Variants in WDFY3 observed in about 807,000 individuals in gnomAD.
The protein encoded by WDFY3 is WD repeat and FYVE domain-containing protein 3.
WDFY3 carries 66 observed loss-of-function variants against 409.6 expected under a neutral mutation model. That is an observed-to-expected ratio of 0.16 (90% confidence interval 0.13 to 0.20). The LOEUF is 0.20. Among genes scored for constraint, WDFY3 ranks in the 10% least tolerant of loss-of-function variants. The pLI is 1.00. For missense variants in WDFY3, 3,031 were observed against 4,298.1 expected (o/e 0.71, Z 8.24); for synonymous variants, 1,521 against 1,537.1 (o/e 0.99, Z 0.25).
At chr4:84,914,698 G>C (rs1579106073) in intron 2 of WDFY3, among the ~76,000 whole-genome samples, 1 of 152,154 alleles carries the variant, frequency 6.6e-6, no homozygotes, top group Non-Finnish European at 1.5e-5. Context: ...ACAAGTGCTA[G>C]TAAGTATGTA....
At position 84,756,910 on chromosome 4, in the gene WDFY3, G is replaced by T. The variant is rs375961372; in HGVS notation, c.5424+16C>A. On this transcript the variant is annotated intron_variant, in intron 33 of 67. Transcript: ENST00000295888. Reference sequence around the variant, plus strand: ...GAATACGTAATTTCACGCACCCCTTGCTAGATAATTCCTACCTGGCAACCC... The same window carrying T: ...GAATACGTAATTTCACGCACCCCTTTCTAGATAATTCCTACCTGGCAACCC... 6.2e-7 allele frequency: 1 copy of T among 1,610,440 alleles called. No homozygotes were observed. Among genetic ancestry groups the T allele is most frequent in the South Asian group, 1.1e-5 (1 of 90,954 alleles).
rs1355038425 is a variant in WDFY3 at position 84,672,572 on chromosome 4, A to G, written c.*296T>C. On this transcript the variant is annotated 3_prime_UTR_variant, in exon 68 of 68. Transcript: ENST00000295888. ...AATGAGATGCAAGAAAAGAGAGTTA[A>G]TAAGTGAGGATTTTTCTCTTGGAGA... 1 of 219,026 alleles carries G rather than the reference A, an allele frequency of 4.6e-6. No homozygotes were observed. Among genetic ancestry groups the G allele is most frequent in the East Asian group, 1.0e-4 (1 of 9,912 alleles). 13.6% of individuals were successfully genotyped at this position (219,026 alleles called of 1,614,324 possible).
chr4:84,946,806 A>G (rs114159394), intron 1 of WDFY3, among the ~76,000 whole-genome samples: 1,710 of 150,166 alleles, frequency 0.011, 23 homozygotes, highest in African/African-American at 0.039. Flanking sequence ...TAATCCTTTC[A>G]TTTTTTGTTT....
Position 84,857,149 on chromosome 4 carries a change from T to C in WDFY3, c.180+3263A>G, listed in dbSNP as rs143205088. Among the ~76,000 whole-genome samples, 828 of 152,294 alleles carry C rather than the reference T, an allele frequency of 5.4e-3. 9 individuals are homozygous for C. Among genetic ancestry groups the C allele is most frequent in the African/African-American group, 0.018 (768 of 41,574 alleles). Reference sequence around the variant, plus strand: ...CTCATTATATTAGAGTTTTAAGGCATTGCATACACATATGTTTCTAATCAA... The same window carrying C: ...CTCATTATATTAGAGTTTTAAGGCACTGCATACACATATGTTTCTAATCAA... On this transcript the variant is annotated intron_variant, in intron 4 of 67. Transcript: ENST00000295888.
intron 15 of WDFY3, among the ~76,000 whole-genome samples, chr4:84,805,624 T>C (rs1751382285): frequency 6.6e-6 from 1 of 152,198 alleles, no homozygotes; most frequent in African/African-American, 2.4e-5. Flanking sequence ...TTGGTTGCTA[T>C]TTAATATTTT....
At chr4:84,898,589 G>A (rs1469302815) in intron 2 of WDFY3, among the ~76,000 whole-genome samples, 2 of 152,114 alleles carry the variant, frequency 1.3e-5, no homozygotes, top group Admixed American at 6.5e-5. Flanking sequence ...TTATGGTCCT[G>A]GGGCTTCACT....
chr4:84,927,979 G>C (rs1425071506), intron 2 of WDFY3, among the ~76,000 whole-genome samples: 2 of 152,190 alleles, frequency 1.3e-5, no homozygotes, highest in Non-Finnish European at 2.9e-5. Flanking sequence ...TATGGAATTT[G>C]TTTAGAATGA....
At chr4:84,929,244 G>C (rs1271587000) in intron 2 of WDFY3, among the ~76,000 whole-genome samples, 13 of 152,024 alleles carry the variant, frequency 8.6e-5, no homozygotes, top group Non-Finnish European at 1.9e-4. Context: ...ACTAAATGCT[G>C]CCAATAATCA....
At position 84,960,058 on chromosome 4, in the gene WDFY3, G is replaced by GT. The variant is rs539890214; in HGVS notation, c.-226+6150dup. Among the ~76,000 whole-genome samples, 802 of 152,152 alleles carry GT rather than the reference G, an allele frequency of 5.3e-3. 4 individuals are homozygous for GT. The highest frequency in any genetic ancestry group is 0.018 in the African/African-American group (764 of 41,482). On this transcript the variant is annotated intron_variant, in intron 1 of 67. Transcript: ENST00000295888. ...TACCTCAATAGTATAGTAAATGTTT[G>GT]TTTTTTTGGTTTTTACCCTAGTTTT... is the stretch of plus-strand genomic sequence containing the variant.
intron 3 of WDFY3, among the ~76,000 whole-genome samples, chr4:84,868,622 C>A (rs1354132219): frequency 6.6e-6 from 1 of 152,022 alleles, no homozygotes; most frequent in Non-Finnish European, 1.5e-5. Flanking sequence ...TTTTTTCCTA[C>A]AGAAAAACAT....
intron 50 of WDFY3, among the ~76,000 whole-genome samples, chr4:84,713,954 T>C (rs1301119851): frequency 6.6e-6 from 1 of 151,968 alleles, no homozygotes; most frequent in Non-Finnish European, 1.5e-5. Context: ...CCATCTCTAC[T>C]AAAAATACAA....
intron 21 of WDFY3, among the ~76,000 whole-genome samples, chr4:84,790,474 T>C (rs1439330941): frequency 6.6e-6 from 1 of 152,324 alleles, no homozygotes; most frequent in East Asian, 1.9e-4. Context: ...TCAAGAAATA[T>C]AGGTATAATC....
chr4:84,737,439 T>G (rs1737640404), intron 40 of WDFY3, 73 bp from the exon 41 acceptor site: 1 of 1,435,992 alleles, frequency 7.0e-7, no homozygotes, highest in Admixed American at 2.8e-5. Context: ...TAGTTTTTAT[T>G]TTTCTTCATG....
intron 5 of WDFY3, among the ~76,000 whole-genome samples, chr4:84,847,870 TAAGA>T (rs1220967631): frequency 6.8e-6 from 1 of 145,994 alleles, no homozygotes; most frequent in African/African-American, 2.5e-5. Flanking sequence ...AGAAACCAGT[TAAGA>T]AAGAACACTT....
At chr4:84,684,962 A>C (rs1020795444) in intron 62 of WDFY3, among the ~76,000 whole-genome samples, 1 of 152,244 alleles carries the variant, frequency 6.6e-6, no homozygotes, top group Admixed American at 6.5e-5. Flanking sequence ...TTGTGAGATT[A>C]TCACTAGCCC....
chr4:84,782,631 T>C (rs1240170301), intron 25 of WDFY3, among the ~76,000 whole-genome samples: 2 of 152,220 alleles, frequency 1.3e-5, no homozygotes, highest in Admixed American at 6.5e-5. Flanking sequence ...AGTGAGACTA[T>C]GCAACATTTG....
At chr4:84,750,448 T>C (rs1426303176) in intron 36 of WDFY3, among the ~76,000 whole-genome samples, 1 of 151,868 alleles carries the variant, frequency 6.6e-6, no homozygotes. Flanking sequence ...AAGTTAACTG[T>C]ACTAGCCACT....
At chr4:84,762,020 G>A (rs910647759) in intron 32 of WDFY3, among the ~76,000 whole-genome samples, 3 of 152,130 alleles carry the variant, frequency 2.0e-5, no homozygotes, top group Admixed American at 2.0e-4. Flanking sequence ...TGGTGGGACT[G>A]TAAACTAGTT....
intron 3 of WDFY3, among the ~76,000 whole-genome samples, chr4:84,885,063 T>A (rs1764016702): frequency 6.6e-6 from 1 of 152,134 alleles, no homozygotes; most frequent in Non-Finnish European, 1.5e-5. Context: ...TGCAATTGCA[T>A]GATCTCAGCT....
Sources: gnomAD v4.1 joint callset for allele counts (sites outside exome capture counted in the v4.1 genomes callset) on GRCh38, gnomAD v4.1.1 for gene constraint, MANE v1.5 for transcripts, NCBI Gene and HGNC (gene_info 2026-07-23, HGNC 2026-07-21) for gene names.